RNF182: variants seen among roughly 807,000 people sequenced by gnomAD.
RNF182 encodes the protein E3 ubiquitin-protein ligase RNF182.
A neutral mutation model predicts 14.4 loss-of-function variants in RNF182; 15 were observed. The ratio of observed to expected loss-of-function variants is 1.04; its 90% CI spans 0.70 to 1.60. The LOEUF (loss-of-function observed/expected upper bound fraction) is 1.60, where lower values mean the gene tolerates loss of function less well. RNF182 is among the 40% of genes most tolerant of loss of function. The pLI, the probability that RNF182 is intolerant of heterozygous loss-of-function variation, is 0.00. For missense variants in RNF182, 268 were observed against 294.8 expected (o/e 0.91, Z 0.67); for synonymous variants, 128 against 122.9 (o/e 1.04, Z -0.27).
chr6:13,978,077 CTT>C lies in RNF182; in HGVS notation c.*215_*216del. 1.5e-5 allele frequency: 8 copies of C among 519,716 alleles called. No homozygotes were observed. The highest frequency in any genetic ancestry group is 8.7e-5 in the South Asian group (3 of 34,536). The allele number at this position is 519,716 out of a possible 1,614,324, so 32.2% of individuals were successfully genotyped here. On this transcript the variant is annotated 3_prime_UTR_variant, in exon 3 of 3. Transcript: ENST00000488300. The stretch of plus-strand genomic sequence containing the variant: ...GTTAGCAAAATTGTATAAGCTCACA[CTT>C]CATGGAGCACTGACAGCAGTGAGTC...
chr6:13,926,231 A>G (rs910972862), intron 1 of RNF182, among the ~76,000 whole-genome samples: 7 of 152,228 alleles, frequency 4.6e-5, no homozygotes, highest in Non-Finnish European at 1.0e-4. Context: ...GCAAGAAATT[A>G]TATTTTTGCT....
intron 1 of RNF182, among the ~76,000 whole-genome samples, chr6:13,964,254 T>C (rs1339243167): frequency 6.6e-6 from 1 of 152,120 alleles, no homozygotes; most frequent in Non-Finnish European, 1.5e-5. Context: ...GACAGTTTGA[T>C]ATAGAGGAAG....
At chr6:13,949,115 C>T (rs1488659242) in intron 1 of RNF182, 3 of 762,522 alleles carry the variant, frequency 3.9e-6, no homozygotes, top group African/African-American at 3.4e-5. Flanking sequence ...CTGCCTTTGC[C>T]AGTGCAGTGA....
rs112459138 is a variant in RNF182 at position 13,945,809 on chromosome 6, G to A, written c.-367+20786G>A. On this transcript the variant is annotated intron_variant, in intron 1 of 2. Coordinates refer to ENST00000488300, the MANE Select transcript of RNF182 (RefSeq NM_152737.4). ...CCCATTCATTCTGATTACACCAGTG[G>A]ATCTGTTACCAGAAAGGGGTCCCAA... 3.7e-3 allele frequency among the ~76,000 whole-genome samples: 563 copies of A among 152,196 alleles called. 3 individuals are homozygous for A. The highest frequency in any genetic ancestry group is 0.014 in the Middle Eastern group (4 of 294).
At chr6:13,928,423 T>C in intron 1 of RNF182, among the ~76,000 whole-genome samples, 1 of 152,210 alleles carries the variant, frequency 6.6e-6, no homozygotes, top group Non-Finnish European at 1.5e-5. Context: ...GATTATTTAT[T>C]TTATATGTAA....
intron 1 of RNF182, among the ~76,000 whole-genome samples, chr6:13,942,532 A>C (rs1337057551): frequency 6.6e-6 from 1 of 151,912 alleles, no homozygotes; most frequent in Non-Finnish European, 1.5e-5. Context: ...AGTAGAGATA[A>C]GATTTTACCA....
chr6:13,926,768 T>C (rs1758838575), intron 1 of RNF182, among the ~76,000 whole-genome samples: 1 of 150,058 alleles, frequency 6.7e-6, no homozygotes, highest in African/African-American at 2.5e-5. Flanking sequence ...TAAATTATTT[T>C]GTGTGTTTGT....
intron 1 of RNF182, among the ~76,000 whole-genome samples, chr6:13,951,155 C>A (rs1394466970): frequency 6.6e-6 from 1 of 152,136 alleles, no homozygotes; most frequent in African/African-American, 2.4e-5. Context: ...ATCACACACA[C>A]AACACATATA....
At chr6:13,950,708 G>A (rs1253204550) in intron 1 of RNF182, among the ~76,000 whole-genome samples, 1 of 152,022 alleles carries the variant, frequency 6.6e-6, no homozygotes, top group Non-Finnish European at 1.5e-5. Context: ...TGTTGGCCAG[G>A]CTGGTCTTGA....
intron 1 of RNF182, among the ~76,000 whole-genome samples, chr6:13,954,393 C>G (rs1759678048): frequency 6.6e-6 from 1 of 152,198 alleles, no homozygotes; most frequent in African/African-American, 2.4e-5. Flanking sequence ...CAAACAAGGA[C>G]TACTCATGTA....
In RNF182 at chr6:13,948,489, T is replaced by A. The variant is rs186270726; in HGVS notation, c.-367+23466T>A. 2.5e-3 allele frequency among the ~76,000 whole-genome samples: 380 copies of A among 152,308 alleles called. 1 individual carries two copies. Among genetic ancestry groups the A allele is most frequent in the African/African-American group, 8.4e-3 (350 of 41,566 alleles). ...TTTGGAACACATACCAATAACACAT[T>A]TAAATAACCCAAAAAATGTCAGATG... is the stretch of plus-strand genomic sequence containing the variant. On this transcript the variant is annotated intron_variant, in intron 1 of 2. Coordinates refer to ENST00000488300, the MANE Select transcript of RNF182 (RefSeq NM_152737.4).
intron 1 of RNF182, among the ~76,000 whole-genome samples, chr6:13,928,226 A>G (rs1758878161): frequency 6.6e-6 from 1 of 152,262 alleles, no homozygotes; most frequent in African/African-American, 2.4e-5. Flanking sequence ...TTTAAGTGAT[A>G]TAAACATAGT....
intron 1 of RNF182, among the ~76,000 whole-genome samples, chr6:13,953,084 G>C (rs1186333835): frequency 1.3e-5 from 2 of 152,154 alleles, no homozygotes; most frequent in Non-Finnish European, 2.9e-5. Flanking sequence ...TCCTGGGTCT[G>C]TTATTTACTG....
At chr6:13,948,730 C>G (rs1179733264) in intron 1 of RNF182, among the ~76,000 whole-genome samples, 1 of 152,070 alleles carries the variant, frequency 6.6e-6, no homozygotes, top group African/African-American at 2.4e-5. Context: ...AATAGAATCT[C>G]AGGTCACTGT....
intron 1 of RNF182, among the ~76,000 whole-genome samples, chr6:13,929,780 A>C (rs1241630294): frequency 2.6e-5 from 4 of 152,138 alleles, no homozygotes. Flanking sequence ...AGCAAGCTTT[A>C]TTTTCTGTTT....
rs567949031 is a variant in RNF182 at position 13,966,828 on chromosome 6, G to A, written c.-366-7382G>A. Among the ~76,000 whole-genome samples the A allele has an allele frequency of 3.6e-3, 432 of 118,734 alleles. 2 individuals carry two copies. Among genetic ancestry groups the A allele is most frequent in the African/African-American group, 0.011 (368 of 34,504 alleles). The allele number at this position is 118,734 out of a possible 152,430, so 77.9% of individuals were successfully genotyped here. On this transcript the variant is annotated intron_variant, in intron 1 of 2. Coordinates refer to ENST00000488300, the MANE Select transcript of RNF182 (RefSeq NM_152737.4). ...AGTATGCTGTTTTGTGTGTGTGCGC[G>A]TGCGTGTGTGTGTGTGTGTGTGTGT...
At chr6:13,955,124 T>G (rs568672585) in intron 1 of RNF182, among the ~76,000 whole-genome samples, 10 of 152,352 alleles carry the variant, frequency 6.6e-5, no homozygotes, top group East Asian at 1.9e-4. Context: ...GTAAATAGTT[T>G]TGGCTTTGAG....
At position 13,976,952 on chromosome 6, in the gene RNF182, A is replaced by G. The variant is rs1432592341; in HGVS notation, c.-168A>G. The G allele has an allele frequency of 1.0e-5, 7 of 699,434 alleles. No homozygotes were observed. The highest frequency in any genetic ancestry group is 9.9e-5 in the East Asian group (4 of 40,386). 43.3% of individuals were successfully genotyped at this position (699,434 alleles called of 1,614,324 possible). A position where few individuals can be genotyped will look rare whatever the true frequency, so the allele number is the denominator to read the frequency against. ...ATAAATATGCGTTTGAGACAGAGTT[A>G]TATGCAGAAGTTGAAAATGCCTGGA... On this transcript the variant is annotated 5_prime_UTR_variant, in exon 3 of 3. Transcript: ENST00000488300.
intron 1 of RNF182, among the ~76,000 whole-genome samples, chr6:13,931,554 G>T (rs1561774400): frequency 1.3e-5 from 2 of 152,018 alleles, no homozygotes; most frequent in African/African-American, 4.8e-5. Flanking sequence ...ATAACTCCTG[G>T]GGGGGAAAAA....
Sources: allele counts gnomAD v4.1 joint callset (sites outside exome capture counted in the v4.1 genomes callset), GRCh38; gene constraint gnomAD v4.1.1; transcripts MANE v1.5; gene names NCBI Gene and HGNC (gene_info 2026-07-23, HGNC 2026-07-21).